ERBB4: variants seen among roughly 807,000 people sequenced by gnomAD.
ERBB4 encodes the protein receptor tyrosine-protein kinase erbB-4.
Under a neutral mutation model 158.0 loss-of-function variants are expected in ERBB4, and 42 were observed. That is an observed-to-expected ratio of 0.27 (90% CI 0.21 to 0.34). The LOEUF is 0.34. Ranked by LOEUF, ERBB4 falls within the 10% of genes least tolerant of loss-of-function variation. The pLI is 1.00. For synonymous variants in ERBB4, 583 were observed against 558.7 expected, an observed-to-expected ratio of 1.04 and a Z score of -0.61; for missense variants, 1,333 against 1,624.1, an observed-to-expected ratio of 0.82 and a Z score of 3.08.
chr2:212,211,159 G>C (rs774448199), intron 1 of ERBB4, among the ~76,000 whole-genome samples: 1 of 152,064 alleles, frequency 6.6e-6, no homozygotes, highest in Admixed American at 6.6e-5. Context: ...TTATTCCACT[G>C]TGTCACTCAA....
intron 13 of ERBB4, among the ~76,000 whole-genome samples, chr2:211,673,651 C>G (rs2071940009): frequency 6.6e-6 from 1 of 151,596 alleles, no homozygotes. Context: ...TTTCTAAACT[C>G]TGAAAGAACT....
At chr2:211,937,793 A>G (rs1361697365) in intron 3 of ERBB4, among the ~76,000 whole-genome samples, 1 of 152,256 alleles carries the variant, frequency 6.6e-6, no homozygotes, top group Non-Finnish European at 1.5e-5. Context: ...CCTATAACAC[A>G]TGGGGATTAC....
At chr2:211,527,023 A>G (rs967284229) in intron 20 of ERBB4, among the ~76,000 whole-genome samples, 1 of 152,108 alleles carries the variant, frequency 6.6e-6, no homozygotes, top group Non-Finnish European at 1.5e-5. Context: ...TATGGGTAGA[A>G]AGTTTATTTA....
chr2:211,651,264 C>A (rs1010131069), intron 16 of ERBB4, among the ~76,000 whole-genome samples: 1 of 152,100 alleles, frequency 6.6e-6, no homozygotes, highest in Admixed American at 6.6e-5. Context: ...ATAGTTTAAC[C>A]AATTGATCTC....
chr2:212,467,366 G>A (rs1264840833), intron 1 of ERBB4, among the ~76,000 whole-genome samples: 2 of 152,166 alleles, frequency 1.3e-5, no homozygotes, highest in Non-Finnish European at 2.9e-5. Flanking sequence ...GGAAAAAGTG[G>A]TTTCATGGGC....
At chr2:211,989,382 A>C (rs1425913221) in intron 2 of ERBB4, among the ~76,000 whole-genome samples, 2 of 151,938 alleles carry the variant, frequency 1.3e-5, no homozygotes, top group Non-Finnish European at 2.9e-5. Context: ...GATCATTTGA[A>C]TTTTACAACT....
intron 20 of ERBB4, among the ~76,000 whole-genome samples, chr2:211,437,096 C>T (rs1386249417): frequency 6.6e-6 from 1 of 152,190 alleles, no homozygotes; most frequent in African/African-American, 2.4e-5. Context: ...TTGTCTACTT[C>T]ATGATCCAAA....
intron 1 of ERBB4, among the ~76,000 whole-genome samples, chr2:212,385,653 C>A: frequency 6.6e-6 from 1 of 151,650 alleles, no homozygotes; most frequent in South Asian, 2.1e-4. Flanking sequence ...GTATAGATGC[C>A]AATCCCTCAA....
intron 16 of ERBB4, among the ~76,000 whole-genome samples, chr2:211,636,525 C>A (rs1224560599): frequency 6.6e-6 from 1 of 151,878 alleles, no homozygotes; most frequent in Non-Finnish European, 1.5e-5. Context: ...AATCAAACAC[C>A]TTGAAGTTTA....
intron 1 of ERBB4, among the ~76,000 whole-genome samples, chr2:212,365,292 T>TACA (rs1247071019): frequency 6.6e-6 from 1 of 151,794 alleles, no homozygotes; most frequent in Non-Finnish European, 1.5e-5. Context: ...GTTTTCTTTT[T>TACA]ACATTGACTA....
intron 4 of ERBB4, among the ~76,000 whole-genome samples, chr2:211,751,474 G>A (rs950080040): frequency 1.3e-5 from 2 of 152,018 alleles, no homozygotes; most frequent in Non-Finnish European, 2.9e-5. Flanking sequence ...ATTTCTGTGG[G>A]TACATGACAC....
At chr2:212,064,924 G>A (rs939250473) in intron 2 of ERBB4, among the ~76,000 whole-genome samples, 1 of 151,774 alleles carries the variant, frequency 6.6e-6, no homozygotes, top group Non-Finnish European at 1.5e-5. Context: ...CATTGTGATT[G>A]ACTGAAGTTT....
rs1559122584 is a variant in ERBB4 at position 211,392,595 on chromosome 2, CACACA to C, written c.3136-4608_3136-4604del. Among the ~76,000 whole-genome samples, 627 of 144,390 alleles carry C rather than the reference CACACA, an allele frequency of 4.3e-3. 9 individuals are homozygous for C. The highest frequency in any genetic ancestry group is 0.015 in the African/African-American group (610 of 40,386). 94.7% of individuals were successfully genotyped at this position (144,390 alleles called of 152,430 possible). A position where few individuals can be genotyped will look rare whatever the true frequency, so the allele number is the denominator to read the frequency against. ...ACACACACACACACACACACACACA[CACACA>C]CCCCAATAATGACTCTATGATCCAG... On this transcript the variant is annotated intron_variant, in intron 25 of 27. Transcript: ENST00000342788.
chr2:212,304,063 C>A (rs978489529), intron 1 of ERBB4, among the ~76,000 whole-genome samples: 6 of 151,498 alleles, frequency 4.0e-5, no homozygotes, highest in African/African-American at 1.2e-4. Context: ...ATATCAGATA[C>A]TGGAGATTTC....
chr2:211,691,063 G>A (rs2072796193), intron 12 of ERBB4, among the ~76,000 whole-genome samples: 1 of 152,046 alleles, frequency 6.6e-6, no homozygotes, highest in Non-Finnish European at 1.5e-5. Context: ...AGTTTTACAT[G>A]TGAAAGTAAA....
At chr2:212,045,158 A>C (rs1335801285) in intron 2 of ERBB4, among the ~76,000 whole-genome samples, 1 of 152,198 alleles carries the variant, frequency 6.6e-6, no homozygotes, top group East Asian at 1.9e-4. Flanking sequence ...AATTAAATAT[A>C]CTACGTGAGA....
intron 20 of ERBB4, among the ~76,000 whole-genome samples, chr2:211,477,983 G>A (rs1297827310): frequency 6.6e-6 from 1 of 152,136 alleles, no homozygotes; most frequent in African/African-American, 2.4e-5. Flanking sequence ...TAGTAAACCA[G>A]TTAAGGCAAT....
At chr2:212,035,048 G>A (rs763197618) in intron 2 of ERBB4, among the ~76,000 whole-genome samples, 3 of 152,146 alleles carry the variant, frequency 2.0e-5, no homozygotes, top group Non-Finnish European at 2.9e-5. Context: ...CACCATATAC[G>A]ATGATGTTCA....
chr2:212,227,275 G>A (rs1251716860), intron 1 of ERBB4, among the ~76,000 whole-genome samples: 2 of 151,110 alleles, frequency 1.3e-5, no homozygotes, highest in Non-Finnish European at 2.9e-5. Context: ...ATAGTAAAAT[G>A]GAGATTACAA....
Sources: gnomAD v4.1 joint callset for allele counts (sites outside exome capture counted in the v4.1 genomes callset) on GRCh38, gnomAD v4.1.1 for gene constraint, MANE v1.5 for transcripts, NCBI Gene and HGNC (gene_info 2026-07-23, HGNC 2026-07-21) for gene names.